The following FMN1 variants were observed in gnomAD, a reference collection of about 807,000 sequenced individuals.
The protein encoded by FMN1 is formin-1.
In FMN1, 110 loss-of-function variants were observed where a neutral mutation model predicts 132.4. The observed-to-expected ratio is 0.83, with a 90% CI of 0.71 to 0.97. The LOEUF (loss-of-function observed/expected upper bound fraction) is 0.97, where lower values mean the gene tolerates loss of function less well. FMN1 is among the 50% of genes least tolerant of loss of function. The pLI is 0.00. For missense variants in FMN1, 1,792 were observed against 1,705.3 expected (o/e 1.05, Z -0.90); for synonymous variants, 722 against 651.7 (o/e 1.11, Z -1.64).
chr15:33,065,406 C>T (rs73378521), intron 5 of FMN1, among the ~76,000 whole-genome samples: 1 of 152,182 alleles, frequency 6.6e-6, no homozygotes, highest in African/African-American at 2.4e-5. Flanking sequence ...ATGTACTACA[C>T]TGATGTGCAT....
chr15:33,034,245 C>T (rs1250053057), intron 6 of FMN1, among the ~76,000 whole-genome samples: 2 of 152,150 alleles, frequency 1.3e-5, no homozygotes, highest in Admixed American at 1.3e-4. Flanking sequence ...CCTAAACATG[C>T]TCCACCCACG....
intron 18 of FMN1, among the ~76,000 whole-genome samples, chr15:32,803,308 A>G (rs1200327982): frequency 2.0e-5 from 3 of 152,180 alleles, no homozygotes; most frequent in Admixed American, 6.5e-5. Context: ...TTTCAGCCCT[A>G]AATATGAGAA....
chr15:32,852,008 TTG>T (rs2059020110), intron 17 of FMN1, among the ~76,000 whole-genome samples: 1 of 152,230 alleles, frequency 6.6e-6, no homozygotes, highest in Non-Finnish European at 1.5e-5. Context: ...TCAGTTACAT[TTG>T]TTATATGATA....
intron 7 of FMN1, among the ~76,000 whole-genome samples, chr15:32,994,921 A>T (rs1310406195): frequency 6.6e-6 from 1 of 152,170 alleles, no homozygotes; most frequent in African/African-American, 2.4e-5. Flanking sequence ...ATAAACTAAC[A>T]ATGAGTTTTC....
chr15:32,950,077 ATATT>A (rs2061617564), intron 9 of FMN1, among the ~76,000 whole-genome samples: 4 of 118,656 alleles, frequency 3.4e-5, no homozygotes, highest in African/African-American at 1.3e-4. Flanking sequence ...ATATATATAT[ATATT>A]AAAAAGCTCA....
chr15:32,900,053 C>T lies in FMN1; in HGVS notation c.3580G>A (p.Gly1194Arg), dbSNP rs769790407. Residue 1194 changes from glycine (G) to arginine (R), a missense_variant, in exon 14 of 21, where the codon GGA (glycine) becomes AGA (arginine). Physicochemically the swap from Gly to Arg is moderately radical, Grantham distance 125. Transcript: ENST00000616417. ...TCGGCTTGTCCCCGAGTCCTATTTC[C>T]TCCATTCATATAATTTCCAAAAGCC... is the stretch of plus-strand genomic sequence containing the variant. ...ILAFGNYMNG[G>R]NRTRGQADGY... 1.9e-6 allele frequency: 3 copies of T among 1,613,834 alleles called. No homozygotes were observed. The highest frequency in any genetic ancestry group is 1.3e-5 in the African/African-American group (1 of 75,014).
chr15:33,032,514 G>A (rs2035984441), intron 6 of FMN1, among the ~76,000 whole-genome samples: 1 of 152,162 alleles, frequency 6.6e-6, no homozygotes, highest in South Asian at 2.1e-4. Context: ...GAAAACTACA[G>A]ATACTCCTCA....
intron 10 of FMN1, among the ~76,000 whole-genome samples, chr15:32,923,489 T>C (rs1470259077): frequency 6.6e-6 from 1 of 152,240 alleles, no homozygotes; most frequent in Non-Finnish European, 1.5e-5. Context: ...GATGATTTTT[T>C]AGAACTTAGG....
intron 9 of FMN1, among the ~76,000 whole-genome samples, chr15:32,935,934 C>T (rs764436165): frequency 1.3e-5 from 2 of 151,970 alleles, no homozygotes; most frequent in African/African-American, 4.8e-5. Flanking sequence ...GCCTCCTCTT[C>T]GTTTTTTTCT....
intron 6 of FMN1, among the ~76,000 whole-genome samples, chr15:33,058,218 C>T (rs1441270808): frequency 6.6e-6 from 1 of 152,004 alleles, no homozygotes; most frequent in Non-Finnish European, 1.5e-5. Context: ...ATTTGCAGAA[C>T]AGAAGAAAAA....
chr15:32,941,828 T>C (rs1431468961), intron 9 of FMN1, among the ~76,000 whole-genome samples: 1 of 152,214 alleles, frequency 6.6e-6, no homozygotes, highest in Non-Finnish European at 1.5e-5. Flanking sequence ...CCATTTTTTT[T>C]TAAACAAGAG....
chr15:32,793,936 T>C (rs1056372225), intron 19 of FMN1, among the ~76,000 whole-genome samples: 8 of 152,234 alleles, frequency 5.3e-5, no homozygotes, highest in Non-Finnish European at 1.2e-4. Context: ...AAAGAATTCC[T>C]GTAGTGTCTA....
intron 9 of FMN1, among the ~76,000 whole-genome samples, chr15:32,948,471 G>T (rs577099186): frequency 1.3e-5 from 2 of 151,996 alleles, no homozygotes; most frequent in African/African-American, 4.8e-5. Context: ...AATATTTTGT[G>T]TAAGAAAGAC....
chr15:33,038,123 G>A (rs1472002635), intron 6 of FMN1, among the ~76,000 whole-genome samples: 1 of 152,234 alleles, frequency 6.6e-6, no homozygotes, highest in Non-Finnish European at 1.5e-5. Flanking sequence ...AGCTACTGGG[G>A]AGGCTGAGGC....
chr15:32,977,149 A>G (rs890081182), intron 7 of FMN1, among the ~76,000 whole-genome samples: 2 of 152,240 alleles, frequency 1.3e-5, no homozygotes, highest in Admixed American at 1.3e-4. Flanking sequence ...CATTTGCATT[A>G]CATCAATGCA....
chr15:33,037,577 G>A (rs1171487859), intron 6 of FMN1, among the ~76,000 whole-genome samples: 3 of 152,152 alleles, frequency 2.0e-5, no homozygotes, highest in Non-Finnish European at 4.4e-5. Flanking sequence ...GCAAGCCACA[G>A]TGAAAGAAAA....
chr15:33,024,341 G>A lies in FMN1; in HGVS notation c.2162-16266C>T, dbSNP rs973972297. Among the ~76,000 whole-genome samples, 3 of 146,392 alleles carry A rather than the reference G, an allele frequency of 2.0e-5. No individual in the cohort carries two copies. The East Asian group carries it at 6.2e-4, about 30-fold the overall frequency. On this transcript the variant is annotated intron_variant, in intron 6 of 20. Coordinates refer to ENST00000616417, the MANE Select transcript of FMN1 (RefSeq NM_001277313.2). ...GGCTCACTGCAAGCTCCGCCTACTGGGTTCATGCCATTCTCCTGCCTCAGC... is the reference window on the plus strand; with the variant it reads ...GGCTCACTGCAAGCTCCGCCTACTGAGTTCATGCCATTCTCCTGCCTCAGC...
chr15:32,994,212 C>CCTCTCTCTCTCT (rs771176022), intron 7 of FMN1, among the ~76,000 whole-genome samples: 2,113 of 146,448 alleles, frequency 0.014, 46 homozygotes, highest in African/African-American at 0.045. Flanking sequence ...AGAACTCATT[C>CCTCTCTCTCTCT]CTCTCTCTCT....
At chr15:32,923,304 C>T (rs922922669) in intron 10 of FMN1, among the ~76,000 whole-genome samples, 9 of 152,228 alleles carry the variant, frequency 5.9e-5, no homozygotes, top group Non-Finnish European at 1.3e-4. Context: ...AGGGTGACAA[C>T]ACAAGGCCAA....
Sources: gnomAD v4.1 joint callset for allele counts (sites outside exome capture counted in the v4.1 genomes callset) on GRCh38, gnomAD v4.1.1 for gene constraint, MANE v1.5 for transcripts, NCBI Gene and HGNC (gene_info 2026-07-23, HGNC 2026-07-21) for gene names.